Variants in CSMD1 observed in about 807,000 individuals in gnomAD.
The protein encoded by CSMD1 is CUB and Sushi multiple domains 1.
CSMD1 carries 213 observed loss-of-function variants against 417.5 expected under a neutral mutation model. The observed-to-expected ratio is 0.51, with a 90% confidence interval of 0.46 to 0.57. CSMD1 has a LOEUF of 0.57. CSMD1 is among the 20% of genes least tolerant of loss of function. The pLI, the probability that CSMD1 is intolerant of heterozygous loss-of-function variation, is 0.00. For synonymous variants in CSMD1, 2,862 were observed against 1,736.8 expected (o/e 1.65, Z -16.11); for missense variants, 6,923 against 4,529.7 (o/e 1.53, Z -15.17).
At chr8:3,886,043 A>G (rs537307153) in intron 5 of CSMD1, among the ~76,000 whole-genome samples, 5 of 152,050 alleles carry the variant, frequency 3.3e-5, no homozygotes, top group African/African-American at 1.2e-4. Context: ...ATATATATAT[A>G]CAGACACATT....
intron 3 of CSMD1, among the ~76,000 whole-genome samples, chr8:4,324,019 C>A (rs905018494): frequency 6.6e-6 from 1 of 152,196 alleles, no homozygotes; most frequent in Non-Finnish European, 1.5e-5. Context: ...GGCACAGCCA[C>A]ACCCTTAGCA....
chr8:4,826,005 G>T (rs897762840), intron 1 of CSMD1, among the ~76,000 whole-genome samples: 1 of 151,880 alleles, frequency 6.6e-6, no homozygotes, highest in Non-Finnish European at 1.5e-5. Flanking sequence ...GGGAGGATGT[G>T]GAGAAATTAG....
chr8:4,915,676 G>A (rs1282448323), intron 1 of CSMD1, among the ~76,000 whole-genome samples: 4 of 152,196 alleles, frequency 2.6e-5, no homozygotes, highest in East Asian at 1.9e-4. Flanking sequence ...GTTAGCGCCC[G>A]GCGGCAGTGG....
chr8:3,931,442 G>A (rs1810131114), intron 5 of CSMD1, among the ~76,000 whole-genome samples: 1 of 150,186 alleles, frequency 6.7e-6, no homozygotes, highest in East Asian at 2.0e-4. Flanking sequence ...TTCAATCCAT[G>A]GCTTTTAAAC....
intron 7 of CSMD1, among the ~76,000 whole-genome samples, chr8:3,642,226 T>C (rs1482203): frequency 0.38 from 57,329 of 151,598 alleles, 11,606 homozygotes; most frequent in East Asian, 0.54. Context: ...ATGTATTAAA[T>C]GGTGAAACCC....
In CSMD1 at chr8:4,714,678, A is replaced by G. The variant is rs566760384; in HGVS notation, c.86-77120T>C. Among the ~76,000 whole-genome samples, 150 of 152,300 alleles carry G rather than the reference A, an allele frequency of 9.8e-4. 1 individual carries two copies. The highest frequency in any genetic ancestry group is 3.6e-3 in the African/African-American group (148 of 41,568). ...ACATACTTGTCTTTAATTTCATTTA[A>G]AAGAAGCTAGGCAGTTCAAATTTAC... On this transcript the variant is annotated intron_variant, in intron 1 of 69. Coordinates refer to ENST00000635120, the MANE Select transcript of CSMD1 (RefSeq NM_033225.6).
chr8:3,858,320 G>A (rs1169364527), intron 5 of CSMD1, among the ~76,000 whole-genome samples: 1 of 152,076 alleles, frequency 6.6e-6, no homozygotes, highest in African/African-American at 2.4e-5. Flanking sequence ...AAACTTCAAA[G>A]GCTCTTCTTT....
chr8:4,456,519 T>C (rs569875034), intron 2 of CSMD1, among the ~76,000 whole-genome samples: 32 of 152,310 alleles, frequency 2.1e-4, no homozygotes, highest in Non-Finnish European at 3.7e-4. Flanking sequence ...TAAATGTTTA[T>C]AGTGTTGGCA....
At chr8:4,972,122 T>C (rs960645405) in intron 1 of CSMD1, among the ~76,000 whole-genome samples, 5 of 152,160 alleles carry the variant, frequency 3.3e-5, no homozygotes, top group Admixed American at 6.5e-5. Context: ...GAAAGAGTAA[T>C]ATCGTTATAC....
chr8:3,947,103 C>G (rs960745439), intron 5 of CSMD1, among the ~76,000 whole-genome samples: 21 of 152,016 alleles, frequency 1.4e-4, no homozygotes, highest in South Asian at 2.1e-4. Flanking sequence ...ATTTTTGTTT[C>G]TGATTTTATG....
At chr8:4,442,384 T>C (rs754856130) in intron 2 of CSMD1, among the ~76,000 whole-genome samples, 1 of 152,178 alleles carries the variant, frequency 6.6e-6, no homozygotes. Context: ...TTTCTACCAT[T>C]AACAAAGCCT....
intron 1 of CSMD1, among the ~76,000 whole-genome samples, chr8:4,682,179 A>C (rs62484573): frequency 1.1e-4 from 17 of 151,900 alleles, no homozygotes; most frequent in African/African-American, 4.1e-4. Context: ...GGCACACACC[A>C]CCATGCCTGG....
rs141969259 is a variant in CSMD1 at position 3,926,220 on chromosome 8, A to G, written c.818+71683T>C. On this transcript the variant is annotated intron_variant, in intron 5 of 69. Transcript: ENST00000635120. ...TTTTAAGTACTAATAACGTATGTTG[A>G]TTTATTTCCTCTTTTATGTGTTAAT... Among the ~76,000 whole-genome samples, 6 of 152,098 alleles carry G rather than the reference A, an allele frequency of 3.9e-5. No homozygotes were observed. The East Asian group carries it at 1.2e-3, about 29-fold the overall frequency.
chr8:3,593,278 T>C (rs190919230), intron 8 of CSMD1, among the ~76,000 whole-genome samples: 3 of 152,318 alleles, frequency 2.0e-5, no homozygotes, highest in Admixed American at 1.3e-4. Context: ...TCAGGAGTAA[T>C]GCAGGACTCC....
At chr8:4,425,449 G>T (rs1377562456) in intron 2 of CSMD1, among the ~76,000 whole-genome samples, 1 of 151,126 alleles carries the variant, frequency 6.6e-6, no homozygotes. Context: ...GGATCCAATT[G>T]ATCATAAAGA....
intron 1 of CSMD1, among the ~76,000 whole-genome samples, chr8:4,816,126 C>T (rs1374253529): frequency 6.6e-6 from 1 of 152,094 alleles, no homozygotes; most frequent in Non-Finnish European, 1.5e-5. Context: ...GAGCATCAGA[C>T]TTCAAGTTTG....
At chr8:4,421,635 G>C (rs556961449) in intron 2 of CSMD1, among the ~76,000 whole-genome samples, 17 of 151,918 alleles carry the variant, frequency 1.1e-4, no homozygotes, top group Non-Finnish European at 2.5e-4. Flanking sequence ...CAGATAAACT[G>C]AATGAAAATA....
rs554740394 is a variant in CSMD1, at chr8:3,815,808, G to C, written c.819-61766C>G. On this transcript the variant is annotated intron_variant, in intron 5 of 69. Transcript: ENST00000635120. Reference sequence around the variant, plus strand: ...AGTAGTGAGCTAGTGAACGGGCCTAGAAAGTCTAAATTCTAGCCTTTGAAT... The same window carrying C: ...AGTAGTGAGCTAGTGAACGGGCCTACAAAGTCTAAATTCTAGCCTTTGAAT... Among the ~76,000 whole-genome samples the C allele has an allele frequency of 8.5e-4, 130 of 152,156 alleles. 1 individual carries two copies. In the South Asian group the frequency reaches 0.026, roughly 31 times the overall value.
chr8:3,838,887 AAT>A (rs1802901458), intron 5 of CSMD1, among the ~76,000 whole-genome samples: 1 of 97,700 alleles, frequency 1.0e-5, no homozygotes, highest in Non-Finnish European at 1.9e-5. Flanking sequence ...TATTAATTAT[AAT>A]ATATAATAAT....
Sources: allele counts gnomAD v4.1 joint callset (sites outside exome capture counted in the v4.1 genomes callset), GRCh38; gene constraint gnomAD v4.1.1; transcripts MANE v1.5; gene names NCBI Gene and HGNC (gene_info 2026-07-23, HGNC 2026-07-21).